The following NCALD variants were observed in gnomAD, a reference collection of about 807,000 sequenced individuals.
The protein encoded by NCALD is neurocalcin-delta.
In NCALD, 10 loss-of-function variants were observed where a neutral mutation model predicts 18.6. The ratio of observed to expected loss-of-function variants is 0.54; its 90% confidence interval spans 0.33 to 0.91. NCALD has a LOEUF of 0.91. Among genes scored for constraint, NCALD ranks in the 40% least tolerant of loss-of-function variants. NCALD has a pLI of 0.03. For missense variants in NCALD, 184 were observed against 247.6 expected (o/e 0.74, Z 1.72); for synonymous variants, 88 against 87.4 (o/e 1.01, Z -0.04).
intron 2 of NCALD, among the ~76,000 whole-genome samples, chr8:101,965,463 A>T (rs970697295): frequency 6.6e-6 from 1 of 152,214 alleles, no homozygotes; most frequent in Non-Finnish European, 1.5e-5. Flanking sequence ...TGTACTTTGC[A>T]GGGACATGGA....
intron 4 of NCALD, among the ~76,000 whole-genome samples, chr8:101,800,059 G>T (rs185445805): frequency 6.6e-6 from 1 of 152,200 alleles, no homozygotes; most frequent in African/African-American, 2.4e-5. Flanking sequence ...AAAACTGAGA[G>T]AATTAATTCC....
intron 3 of NCALD, among the ~76,000 whole-genome samples, chr8:101,905,879 T>C (rs1188878885): frequency 6.6e-6 from 1 of 152,220 alleles, no homozygotes; most frequent in Non-Finnish European, 1.5e-5. Flanking sequence ...GTAGACTACT[T>C]TGAAGGAGAT....
In NCALD at chr8:101,871,970, A is replaced by C; in HGVS notation, c.-20+15171T>G. On this transcript the variant is annotated intron_variant, in intron 4 of 6. Coordinates refer to the NCALD transcript ENST00000311028. ...CTAGATTCAGACAGTTTCCACCCCA[A>C]CTCATCTCTGGTCAGGTTCATGCCG... is the stretch of plus-strand genomic sequence containing the variant. 3.9e-6 allele frequency: 3 copies of C among 777,322 alleles called. No homozygotes were observed. In the South Asian group the frequency reaches 4.3e-5, roughly 11 times the overall value. 48.2% of individuals were successfully genotyped at this position (777,322 alleles called of 1,614,324 possible).
At chr8:101,942,947 A>G (rs1483666717) in intron 2 of NCALD, among the ~76,000 whole-genome samples, 1 of 152,200 alleles carries the variant, frequency 6.6e-6, no homozygotes, top group Non-Finnish European at 1.5e-5. Context: ...TAGATATGAC[A>G]TGCAAGTGGC....
chr8:101,720,905 C>T lies in NCALD; in HGVS notation c.-19-1257G>A, dbSNP rs917498279. Among the ~76,000 whole-genome samples, 4 of 152,234 alleles carry T rather than the reference C, an allele frequency of 2.6e-5. No homozygotes were observed. In the East Asian group the frequency reaches 7.7e-4, roughly 29 times the overall value. Reference sequence around the variant, plus strand: ...TGTGGCCCCTTTTCCCTAAGGGCACCTAGCTGTGTGTGCAGGGGATGGTGG... The same window carrying T: ...TGTGGCCCCTTTTCCCTAAGGGCACTTAGCTGTGTGTGCAGGGGATGGTGG... On this transcript the variant is annotated intron_variant, in intron 1 of 3. Transcript: ENST00000220931.
intron 1 of NCALD, among the ~76,000 whole-genome samples, chr8:102,029,315 CTAAG>C (rs996739451): frequency 7.9e-5 from 12 of 152,140 alleles, no homozygotes; most frequent in African/African-American, 2.4e-4. Context: ...CAGGAAGTCA[CTAAG>C]TGTTTTTGGG....
chr8:101,817,555 C>A (rs79851994), intron 4 of NCALD, among the ~76,000 whole-genome samples: 2,333 of 145,484 alleles, frequency 0.016, 88 homozygotes, highest in East Asian at 0.12. Flanking sequence ...TTGGTTTTTG[C>A]TTCTTTAGCC....
intron 4 of NCALD, among the ~76,000 whole-genome samples, chr8:101,836,029 C>T (rs1814398678): frequency 6.6e-6 from 1 of 152,008 alleles, no homozygotes; most frequent in African/African-American, 2.4e-5. Context: ...AACAAAGATG[C>T]ACATGGAAAT....
At chr8:101,886,097 A>T in intron 4 of NCALD, among the ~76,000 whole-genome samples, 1 of 152,276 alleles carries the variant, frequency 6.6e-6, no homozygotes, top group Admixed American at 6.5e-5. Flanking sequence ...AAAACATTAG[A>T]TTTTGTTTAA....
intron 4 of NCALD, among the ~76,000 whole-genome samples, chr8:101,864,658 G>A (rs550303272): frequency 4.1e-5 from 6 of 147,332 alleles, no homozygotes; most frequent in Admixed American, 3.5e-4. Flanking sequence ...GCAATGGCAC[G>A]ATCTTGACTC....
chr8:101,695,237 C>T (rs527828664), intron 2 of NCALD, among the ~76,000 whole-genome samples: 2 of 152,256 alleles, frequency 1.3e-5, no homozygotes, highest in East Asian at 1.9e-4. Flanking sequence ...AGAGGTGTTG[C>T]GGGGAAGAGC....
At chr8:101,838,346 C>G (rs192723982) in intron 4 of NCALD, among the ~76,000 whole-genome samples, 25 of 152,064 alleles carry the variant, frequency 1.6e-4, no homozygotes, top group Non-Finnish European at 3.4e-4. Context: ...CTCAGCCTCC[C>G]GAGTAGCTGG....
chr8:102,034,974 C>T (rs1170436970), intron 1 of NCALD, among the ~76,000 whole-genome samples: 2 of 152,188 alleles, frequency 1.3e-5, no homozygotes, highest in South Asian at 4.1e-4. Context: ...AACAACATCC[C>T]TTTTCCCCCT....
At chr8:101,832,980 T>A (rs1814249388) in intron 4 of NCALD, among the ~76,000 whole-genome samples, 1 of 152,232 alleles carries the variant, frequency 6.6e-6, no homozygotes, top group South Asian at 2.1e-4. Flanking sequence ...ATTGTGGCCA[T>A]GTTTAAGTAT....
intron 3 of NCALD, among the ~76,000 whole-genome samples, chr8:101,913,612 C>T (rs555259692): frequency 1.3e-5 from 2 of 152,114 alleles, no homozygotes; most frequent in African/African-American, 2.4e-5. Flanking sequence ...GACAGAGTTT[C>T]GCTCTTGTTG....
intron 2 of NCALD, among the ~76,000 whole-genome samples, chr8:101,952,828 A>G (rs542053212): frequency 6.6e-6 from 1 of 152,200 alleles, no homozygotes; most frequent in Non-Finnish European, 1.5e-5. Context: ...GCTTGTGAAG[A>G]TGAGAGCAGA....
At chr8:101,872,453 C>T in intron 4 of NCALD, 1 of 977,260 alleles carries the variant, frequency 1.0e-6, no homozygotes, top group South Asian at 1.3e-5. Flanking sequence ...TCCTCTTCTG[C>T]CTTCTCTTCT....
chr8:101,743,746 G>C (rs1810310219), intron 1 of NCALD, among the ~76,000 whole-genome samples: 1 of 152,206 alleles, frequency 6.6e-6, no homozygotes, highest in South Asian at 2.1e-4. Context: ...TATGAGGACA[G>C]ATATCAGAAT....
At chr8:102,113,980 T>C (rs1825710189) in intron 1 of NCALD, among the ~76,000 whole-genome samples, 1 of 152,234 alleles carries the variant, frequency 6.6e-6, no homozygotes. Context: ...GTAGCGAGTG[T>C]ATCCCCTCAA....
Sources: gnomAD v4.1 joint callset for allele counts (sites outside exome capture counted in the v4.1 genomes callset) on GRCh38, gnomAD v4.1.1 for gene constraint, MANE v1.5 for transcripts, NCBI Gene and HGNC (gene_info 2026-07-23, HGNC 2026-07-21) for gene names.